The following SEPTIN9 variants were observed in gnomAD, a reference collection of about 807,000 sequenced individuals.
SEPTIN9 encodes the protein septin 9.
SEPTIN9 carries 13 observed loss-of-function variants against 56.6 expected under a neutral mutation model. That is an observed-to-expected ratio of 0.23 (90% CI 0.15 to 0.37). The LOEUF (loss-of-function observed/expected upper bound fraction) is 0.37. SEPTIN9 is among the 10% of genes least tolerant of loss of function. The pLI is 1.00. For synonymous variants in SEPTIN9, 332 were observed against 334.1 expected, an observed-to-expected ratio of 0.99 and a Z score of 0.07; for missense variants, 650 against 823.1, an observed-to-expected ratio of 0.79 and a Z score of 2.57.
rs202206729 is a variant in SEPTIN9, at chr17:77,475,555, G to C, written c.722-6589G>C. 83 of 1,613,026 alleles carry C rather than the reference G, an allele frequency of 5.1e-5. 1 individual carries two copies. The African/African-American group carries it at 6.4e-4, about 12-fold the overall frequency. On this transcript the variant is annotated intron_variant, in intron 3 of 11. Coordinates refer to ENST00000427177, the MANE Select transcript of SEPTIN9 (RefSeq NM_001113491.2). This position sits in a 1 kb window ranked among gnomAD's most constrained non-coding sequence, Gnocchi z 4.6. ...TTTCTGGGAAGGCCTGCAGGTGGCCGTAGGGCTGCCGCAGGGGTGCTGGCC... is the reference window on the plus strand; with the variant it reads ...TTTCTGGGAAGGCCTGCAGGTGGCCCTAGGGCTGCCGCAGGGGTGCTGGCC...
intron 2 of SEPTIN9, among the ~76,000 whole-genome samples, chr17:77,308,987 C>T (rs571538970): frequency 7.2e-5 from 11 of 152,264 alleles, no homozygotes; most frequent in South Asian, 6.2e-4. Flanking sequence ...AGGGGCTCCG[C>T]CCATCGCAGT....
At chr17:77,301,187 C>T (rs1376539985) in intron 1 of SEPTIN9, among the ~76,000 whole-genome samples, 4 of 152,100 alleles carry the variant, frequency 2.6e-5, no homozygotes, top group Admixed American at 2.6e-4. Context: ...CCATGACCCA[C>T]CTTTCCCCAG....
intron 2 of SEPTIN9, among the ~76,000 whole-genome samples, chr17:77,385,330 A>C (rs1323903254): frequency 6.6e-6 from 1 of 152,016 alleles, no homozygotes; most frequent in Non-Finnish European, 1.5e-5. Context: ...GGATTTGAGA[A>C]TCCTACAAGA....
chr17:77,465,083 A>G (rs1304559156), intron 3 of SEPTIN9, among the ~76,000 whole-genome samples: 1 of 152,216 alleles, frequency 6.6e-6, no homozygotes, highest in Non-Finnish European at 1.5e-5. Flanking sequence ...GTATAAGTGG[A>G]ATCGTACAGT....
intron 2 of SEPTIN9, among the ~76,000 whole-genome samples, chr17:77,316,345 C>T (rs538152780): frequency 2.0e-5 from 3 of 152,302 alleles, no homozygotes; most frequent in Admixed American, 6.5e-5. Context: ...CAGAGCCAAT[C>T]GGTGCTGCCA....
intron 2 of SEPTIN9, among the ~76,000 whole-genome samples, chr17:77,333,162 G>A (rs114387733): frequency 0.021 from 3,205 of 152,254 alleles, 111 homozygotes; most frequent in African/African-American, 0.073. Flanking sequence ...ATTCTGGTGG[G>A]CGTGTAGTGG....
chr17:77,354,449 C>G (rs981006492), intron 2 of SEPTIN9, among the ~76,000 whole-genome samples: 3 of 152,170 alleles, frequency 2.0e-5, no homozygotes, highest in Admixed American at 6.5e-5. Context: ...CTAGCAGCCT[C>G]ATCTCCCTGG....
rs552071418 is a variant in SEPTIN9, at chr17:77,480,578, G to A, written c.722-1566G>A. Among the ~76,000 whole-genome samples the A allele has an allele frequency of 1.1e-4, 17 of 152,334 alleles. No homozygotes were observed. In the South Asian group the frequency reaches 2.5e-3, roughly 22 times the overall value. On this transcript the variant is annotated intron_variant, in intron 3 of 11. Transcript: ENST00000427177. ...GGAGTGGGCGTGGGCCGGGAGGGCTGCCTCCTGTCTGGGAGGGCTGCTCAC... is the reference window on the plus strand; with the variant it reads ...GGAGTGGGCGTGGGCCGGGAGGGCTACCTCCTGTCTGGGAGGGCTGCTCAC...
At chr17:77,486,529 C>T (rs55973740) in intron 4 of SEPTIN9, among the ~76,000 whole-genome samples, 50,789 of 116,868 alleles carry the variant, frequency 0.43, 9,378 homozygotes, top group Middle Eastern at 0.64. Context: ...TGTGCGCGCA[C>T]GCGCGCGCGT....
In SEPTIN9 at chr17:77,456,851, A is replaced by T. The variant is rs1205033412; in HGVS notation, c.722-25293A>T. On this transcript the variant is annotated intron_variant, in intron 3 of 11. Coordinates refer to ENST00000427177, the MANE Select transcript of SEPTIN9 (RefSeq NM_001113491.2). This position sits in a 1 kb window ranked among gnomAD's most constrained non-coding sequence, Gnocchi z 6.0. ...GACAAGTCCCCACGGCCAATACCAG[A>T]TCCCAGTGACCAGCACTAGATGTCC... Among the ~76,000 whole-genome samples the T allele has an allele frequency of 2.0e-5, 3 of 151,274 alleles. No homozygotes were observed. The highest frequency in any genetic ancestry group is 4.4e-5 in the Non-Finnish European group (3 of 67,856).
At chr17:77,316,993 A>G (rs1168607034) in intron 2 of SEPTIN9, among the ~76,000 whole-genome samples, 3 of 152,256 alleles carry the variant, frequency 2.0e-5, no homozygotes, top group African/African-American at 7.2e-5. Flanking sequence ...GATTAAAGAA[A>G]CAAACCAAGA....
chr17:77,409,404 G>C (rs917387789), intron 3 of SEPTIN9, among the ~76,000 whole-genome samples: 14 of 152,270 alleles, frequency 9.2e-5, no homozygotes, highest in African/African-American at 3.1e-4. Flanking sequence ...TCCCCTCGCC[G>C]GCCTGCCAAG....
intron 2 of SEPTIN9, among the ~76,000 whole-genome samples, chr17:77,370,743 G>A (rs1271781475): frequency 6.6e-6 from 1 of 152,136 alleles, no homozygotes; most frequent in Non-Finnish European, 1.5e-5. Context: ...GCCCCTTCTG[G>A]GACTGTGTGT....
At position 77,369,814 on chromosome 17, in the gene SEPTIN9, AG is replaced by A. The variant is rs1293490355; in HGVS notation, c.77-32239del. Among the ~76,000 whole-genome samples, 2 of 152,010 alleles carry A rather than the reference AG, an allele frequency of 1.3e-5. No homozygotes were observed. Among genetic ancestry groups the A allele is most frequent in the African/African-American group, 4.8e-5 (2 of 41,364 alleles). On this transcript the variant is annotated intron_variant, in intron 2 of 11. Transcript: ENST00000427177. The surrounding 1 kb of genome is among the most constrained non-coding windows in gnomAD (Gnocchi z 4.9). ...GCCTCTCCATGGAGGCTGTGCCTGG[AG>A]GGGGGTCATGGATATGGATGTGTGC... is the stretch of plus-strand genomic sequence containing the variant.
intron 2 of SEPTIN9, among the ~76,000 whole-genome samples, chr17:77,364,298 C>T (rs1056340182): frequency 6.6e-6 from 1 of 152,218 alleles, no homozygotes; most frequent in Non-Finnish European, 1.5e-5. Flanking sequence ...CATGGGGGCA[C>T]TGCAGGGCAC....
intron 3 of SEPTIN9, among the ~76,000 whole-genome samples, chr17:77,422,723 C>T (rs577890022): frequency 3.9e-5 from 6 of 152,292 alleles, no homozygotes; most frequent in East Asian, 3.9e-4. Flanking sequence ...CTTTTGGTTC[C>T]GGTTCTGTTC....
At chr17:77,306,822 A>G (rs898197955) in intron 1 of SEPTIN9, among the ~76,000 whole-genome samples, 2 of 152,172 alleles carry the variant, frequency 1.3e-5, no homozygotes, top group African/African-American at 4.8e-5. Context: ...ACTCTCATTC[A>G]CTGTGTGGCC....
chr17:77,325,196 A>G (rs1422287858), intron 2 of SEPTIN9, among the ~76,000 whole-genome samples: 1 of 152,190 alleles, frequency 6.6e-6, no homozygotes, highest in African/African-American at 2.4e-5. Context: ...TTTTGGCGCC[A>G]TATCCAAGAA....
At chr17:77,417,401 G>C (rs1308710003) in intron 3 of SEPTIN9, among the ~76,000 whole-genome samples, 3 of 152,188 alleles carry the variant, frequency 2.0e-5, no homozygotes, top group Non-Finnish European at 4.4e-5. Flanking sequence ...GAGAGAGGCC[G>C]ATGGACCCTG....
Sources: gnomAD v4.1 joint callset for allele counts (sites outside exome capture counted in the v4.1 genomes callset) on GRCh38, gnomAD v4.1.1 for gene constraint, Gnocchi (gnomAD v3.1) non-coding constraint, MANE v1.5 for transcripts, NCBI Gene and HGNC (gene_info 2026-07-23, HGNC 2026-07-21) for gene names.